The following CLIC4 variants were observed in gnomAD, a reference collection of about 807,000 sequenced individuals.
CLIC4 encodes CLIC family member 4, also known as chloride intracellular channel protein 4.
In CLIC4, 13 loss-of-function variants were observed where a neutral mutation model predicts 24.6. That is an observed-to-expected ratio of 0.53 (90% CI 0.34 to 0.84). The LOEUF is 0.84. Among genes scored for constraint, CLIC4 ranks in the 40% least tolerant of loss-of-function variants. CLIC4 has a pLI of 0.01. For synonymous variants in CLIC4, 104 were observed against 111.3 expected, an observed-to-expected ratio of 0.93 and a Z score of 0.41; for missense variants, 227 against 301.7, an observed-to-expected ratio of 0.75 and a Z score of 1.83.
intron 4 of CLIC4, among the ~76,000 whole-genome samples, chr1:24,838,898 C>T (rs1206078287): frequency 1.3e-5 from 2 of 152,058 alleles, no homozygotes; most frequent in African/African-American, 2.4e-5. Flanking sequence ...TGAATCATGA[C>T]AATCAGAATC....
chr1:24,763,833 A>G (rs1638959761), intron 1 of CLIC4, among the ~76,000 whole-genome samples: 1 of 151,626 alleles, frequency 6.6e-6, no homozygotes, highest in African/African-American at 2.4e-5. Context: ...CTCTTATATG[A>G]CTCTTCGGTT....
chr1:24,810,529 A>T (rs996296794), intron 2 of CLIC4, among the ~76,000 whole-genome samples: 1 of 152,186 alleles, frequency 6.6e-6, no homozygotes, highest in African/African-American at 2.4e-5. Context: ...TATGTGGGTT[A>T]TATCTACCTA....
chr1:24,819,556 G>A (rs1639704702), intron 3 of CLIC4, among the ~76,000 whole-genome samples: 1 of 150,976 alleles, frequency 6.6e-6, no homozygotes, highest in Admixed American at 6.6e-5. Flanking sequence ...TCCTGCCTTA[G>A]CCTCCCAAGT....
chr1:24,830,853 T>C (rs994162921), intron 4 of CLIC4, among the ~76,000 whole-genome samples: 5 of 152,206 alleles, frequency 3.3e-5, no homozygotes, highest in African/African-American at 1.2e-4. Flanking sequence ...GACAGGGAGC[T>C]ACTTTGTGAT....
At chr1:24,759,662 C>T (rs533185520) in intron 1 of CLIC4, among the ~76,000 whole-genome samples, 5 of 152,220 alleles carry the variant, frequency 3.3e-5, no homozygotes, top group Non-Finnish European at 5.9e-5. Context: ...TTTAAAGAAA[C>T]TTTTGACCAG....
At position 24,838,574 on chromosome 1, in the gene CLIC4, A is replaced by T. The variant is rs573335171; in HGVS notation, c.416-1286A>T. Among the ~76,000 whole-genome samples, 11 of 152,302 alleles carry T rather than the reference A, an allele frequency of 7.2e-5. No homozygotes were observed. In the East Asian group the frequency reaches 1.9e-3, roughly 27 times the overall value. On this transcript the variant is annotated intron_variant, in intron 4 of 5. Transcript: ENST00000374379. ...CTTTTTCCTTAAAGGACACAACTGAATTCAGACTTAAAACTACATGGTTTG... is the reference window on the plus strand; with the variant it reads ...CTTTTTCCTTAAAGGACACAACTGATTTCAGACTTAAAACTACATGGTTTG...
rs79069727 is a variant in CLIC4 at position 24,805,705 on chromosome 1, C to T, written c.182+7854C>T. Among the ~76,000 whole-genome samples, 249 of 152,232 alleles carry T rather than the reference C, an allele frequency of 1.6e-3. 4 individuals carry two copies. In the East Asian group the frequency reaches 0.034, roughly 21 times the overall value. ...ATGGGTCATCTTCAAGAGCCAGCTC[C>T]GGTGTTCTCTAGCTATGCTGCACTC... On this transcript the variant is annotated intron_variant, in intron 2 of 5. Transcript: ENST00000374379.
At chr1:24,816,517 A>G (rs1382280806) in intron 3 of CLIC4, among the ~76,000 whole-genome samples, 1 of 152,116 alleles carries the variant, frequency 6.6e-6, no homozygotes. Flanking sequence ...TGCTGGGATT[A>G]CAGGTGTGGT....
chr1:24,765,309 A>G (rs1638979542), intron 1 of CLIC4, among the ~76,000 whole-genome samples: 1 of 152,230 alleles, frequency 6.6e-6, no homozygotes, highest in Non-Finnish European at 1.5e-5. Context: ...GTTACTCAAT[A>G]AAATGTTTGC....
chr1:24,837,136 C>G (rs1639893618), intron 4 of CLIC4, among the ~76,000 whole-genome samples: 1 of 151,936 alleles, frequency 6.6e-6, no homozygotes, highest in Admixed American at 6.6e-5. Flanking sequence ...AAAGCTGGTT[C>G]TTTGCAAAGT....
At chr1:24,778,756 C>T (rs915497012) in intron 1 of CLIC4, among the ~76,000 whole-genome samples, 1 of 152,152 alleles carries the variant, frequency 6.6e-6, no homozygotes, top group Admixed American at 6.5e-5. Flanking sequence ...AAGCAGAACT[C>T]GTTTTCATCA....
chr1:24,819,581 G>C (rs1281582229), intron 3 of CLIC4, among the ~76,000 whole-genome samples: 1 of 151,514 alleles, frequency 6.6e-6, no homozygotes, highest in Non-Finnish European at 1.5e-5. Flanking sequence ...AGAATTACAG[G>C]CGTCCACCAC....
chr1:24,792,890 G>A (rs1639356172), intron 1 of CLIC4, among the ~76,000 whole-genome samples: 1 of 152,228 alleles, frequency 6.6e-6, no homozygotes. Flanking sequence ...TTTTGCCCAT[G>A]CTCAAGGACT....
At chr1:24,769,402 A>T (rs1639045955) in intron 1 of CLIC4, among the ~76,000 whole-genome samples, 1 of 152,182 alleles carries the variant, frequency 6.6e-6, no homozygotes, top group Non-Finnish European at 1.5e-5. Flanking sequence ...TCCTCATATA[A>T]ACTTTGAAAT....
intron 1 of CLIC4, among the ~76,000 whole-genome samples, chr1:24,785,270 C>A (rs953722507): frequency 3.3e-5 from 5 of 151,998 alleles, no homozygotes; most frequent in Admixed American, 6.6e-5. Flanking sequence ...TTGCATGGAA[C>A]GTCTTTAAGT....
chr1:24,820,267 C>CTTTTTTTTTTTT (rs372726009), intron 3 of CLIC4, among the ~76,000 whole-genome samples: 2 of 49,772 alleles, frequency 4.0e-5, no homozygotes, highest in African/African-American at 1.8e-4. Flanking sequence ...CCTTTTTGGT[C>CTTTTTTTTTTTT]TTTTTTTTTT....
chr1:24,781,689 A>G (rs2124113401), intron 1 of CLIC4, among the ~76,000 whole-genome samples: 1 of 150,212 alleles, frequency 6.7e-6, no homozygotes, highest in Middle Eastern at 3.4e-3. Context: ...TTTTTTAAAG[A>G]CGGAGTCTCG....
intron 1 of CLIC4, among the ~76,000 whole-genome samples, chr1:24,772,554 C>T (rs1262323348): frequency 6.6e-6 from 1 of 152,172 alleles, no homozygotes; most frequent in Non-Finnish European, 1.5e-5. Context: ...GGCACGATCT[C>T]AGCTCACTGC....
chr1:24,765,009 G>T (rs1391226314), intron 1 of CLIC4, among the ~76,000 whole-genome samples: 1 of 152,176 alleles, frequency 6.6e-6, no homozygotes, highest in Non-Finnish European at 1.5e-5. Context: ...TATAAGGAAG[G>T]CGTACTATAC....
Sources: gnomAD v4.1 joint callset for allele counts (sites outside exome capture counted in the v4.1 genomes callset) on GRCh38, gnomAD v4.1.1 for gene constraint, MANE v1.5 for transcripts, NCBI Gene and HGNC (gene_info 2026-07-23, HGNC 2026-07-21) for gene names.